The following DACH2 variants were observed in gnomAD, a reference collection of about 807,000 sequenced individuals.
The protein encoded by DACH2 is dachshund homolog 2.
A neutral mutation model predicts 35.8 loss-of-function variants in DACH2; 17 were observed. The ratio of observed to expected loss-of-function variants is 0.48; its 90% CI spans 0.33 to 0.71. The LOEUF (loss-of-function observed/expected upper bound fraction) is 0.71, where lower values mean the gene tolerates loss of function less well. Among genes scored for constraint, DACH2 ranks in the 30% least tolerant of loss-of-function variants. DACH2 has a pLI of 0.02. For synonymous variants in DACH2, 195 were observed against 177.3 expected, an observed-to-expected ratio of 1.10 and a Z score of -0.79; for missense variants, 469 against 472.7, an observed-to-expected ratio of 0.99 and a Z score of 0.07.
At chrX:86,705,848 T>G (rs1009541833) in intron 5 of DACH2, among the ~76,000 whole-genome samples, 25 of 111,809 alleles carry the variant, frequency 2.2e-4, no homozygotes, top group Admixed American at 1.9e-3. Context: ...ACCTAAGTGT[T>G]CATCAACTGA....
chrX:86,446,479 A>G (rs1349609987), intron 2 of DACH2, among the ~76,000 whole-genome samples: 3 of 54,988 alleles, frequency 5.5e-5, no homozygotes, highest in Non-Finnish European at 9.7e-5. Flanking sequence ...AGAGTGTGAT[A>G]TTCCCCTTCC....
chrX:86,154,922 A>C (rs1267280187), intron 1 of DACH2, among the ~76,000 whole-genome samples: 1 of 111,538 alleles, frequency 9.0e-6, no homozygotes, highest in Non-Finnish European at 1.9e-5. Context: ...AAAAATACCA[A>C]ATCAATCTTA....
chrX:86,552,754 A>AT (rs778067659), intron 3 of DACH2, among the ~76,000 whole-genome samples: 267 of 110,068 alleles, frequency 2.4e-3, no homozygotes, highest in Non-Finnish European at 3.3e-3. Context: ...TACAATGGTT[A>AT]TTTTTTTTTA....
chrX:86,309,878 C>T lies in DACH2; in HGVS notation c.489-66946C>T, dbSNP rs184866323. Among the ~76,000 whole-genome samples, 645 of 111,978 alleles carry T rather than the reference C, an allele frequency of 5.8e-3. 6 individuals are homozygous for T. Among genetic ancestry groups the T allele is most frequent in the African/African-American group, 0.02 (616 of 30,795 alleles). On this transcript the variant is annotated intron_variant, in intron 1 of 11. Coordinates refer to ENST00000373125, the MANE Select transcript of DACH2 (RefSeq NM_053281.3). Reference sequence around the variant, plus strand: ...AAAGGCTGCCAGTTTTGGGTGGGGTCCAGAACAGAAGAAGGCTCTGCAACA... The same window carrying T: ...AAAGGCTGCCAGTTTTGGGTGGGGTTCAGAACAGAAGAAGGCTCTGCAACA...
intron 2 of DACH2, among the ~76,000 whole-genome samples, chrX:86,438,382 C>T (rs2037105050): frequency 9.1e-6 from 1 of 109,866 alleles, no homozygotes; most frequent in Non-Finnish European, 1.9e-5. Context: ...TGCCATCACG[C>T]CCGGCTAATT....
At chrX:86,475,805 A>G (rs1202455682) in intron 2 of DACH2, among the ~76,000 whole-genome samples, 2 of 111,987 alleles carry the variant, frequency 1.8e-5, no homozygotes, top group Non-Finnish European at 3.8e-5. Context: ...ATTCAGTGTG[A>G]TACTAGCTGT....
At chrX:86,599,941 G>T (rs2039768529) in intron 3 of DACH2, among the ~76,000 whole-genome samples, 1 of 111,648 alleles carries the variant, frequency 9.0e-6, no homozygotes, top group Non-Finnish European at 1.9e-5. Context: ...CATGTGGTTT[G>T]GTGGAGTGAG....
At chrX:86,482,164 C>G (rs943202222) in intron 2 of DACH2, among the ~76,000 whole-genome samples, 1 of 111,542 alleles carries the variant, frequency 9.0e-6, no homozygotes, top group Non-Finnish European at 1.9e-5. Context: ...ATTCTCACCA[C>G]AAAAATGTAT....
intron 4 of DACH2, among the ~76,000 whole-genome samples, chrX:86,677,299 G>A (rs1197400990): frequency 2.7e-5 from 3 of 111,876 alleles, no homozygotes; most frequent in Non-Finnish European, 5.6e-5. Context: ...ATGCCTTAAA[G>A]CATGTTTGTA....
At chrX:86,562,469 T>C (rs1242579826) in intron 3 of DACH2, among the ~76,000 whole-genome samples, 1 of 111,251 alleles carries the variant, frequency 9.0e-6, no homozygotes, top group African/African-American at 3.3e-5. Flanking sequence ...GCTTTTCTCA[T>C]TTTAACCAGA....
At chrX:86,696,955 G>A (rs2041074501) in intron 5 of DACH2, among the ~76,000 whole-genome samples, 2 of 111,814 alleles carry the variant, frequency 1.8e-5, no homozygotes, top group African/African-American at 6.5e-5. Context: ...TTTTACCAGA[G>A]GGTAAACTAC....
intron 3 of DACH2, among the ~76,000 whole-genome samples, chrX:86,567,025 G>T (rs1429582274): frequency 9.0e-6 from 1 of 111,677 alleles, no homozygotes; most frequent in Non-Finnish European, 1.9e-5. Flanking sequence ...TATATGTCAA[G>T]AAATGTGCTT....
At chrX:86,316,181 A>T in intron 1 of DACH2, among the ~76,000 whole-genome samples, 1 of 109,718 alleles carries the variant, frequency 9.1e-6, no homozygotes, top group Non-Finnish European at 1.9e-5. Context: ...CTGTTCCCAG[A>T]CATCTTCTTA....
In DACH2 at chrX:86,194,790, C is replaced by T. The variant is rs1172332046; in HGVS notation, c.488+45682C>T. Among the ~76,000 whole-genome samples the T allele has an allele frequency of 2.7e-5, 3 of 112,643 alleles. No homozygotes were observed. In the East Asian group the frequency reaches 8.4e-4, roughly 32 times the overall value. ...TGGTCAGGGATGGCCACCCGCTAAG[C>T]TTGACTTGCTCCCACAGGAGACATT... On this transcript the variant is annotated intron_variant, in intron 1 of 11. Coordinates refer to ENST00000373125, the MANE Select transcript of DACH2 (RefSeq NM_053281.3).
At chrX:86,519,575 G>A (rs192520208) in intron 3 of DACH2, among the ~76,000 whole-genome samples, 153 of 111,850 alleles carry the variant, frequency 1.4e-3, no homozygotes, top group Non-Finnish European at 2.6e-3. Context: ...ATTTCAGAGT[G>A]TGTTATTGGT....
intron 2 of DACH2, among the ~76,000 whole-genome samples, chrX:86,397,439 T>C (rs190416657): frequency 2.4e-3 from 263 of 110,940 alleles, no homozygotes; most frequent in African/African-American, 8.2e-3. Flanking sequence ...TGAATAGGAG[T>C]GGTGAGAGAG....
At chrX:86,195,352 A>G (rs2031950336) in intron 1 of DACH2, among the ~76,000 whole-genome samples, 1 of 111,721 alleles carries the variant, frequency 9.0e-6, no homozygotes, top group Non-Finnish European at 1.9e-5. Flanking sequence ...ACAGAGAACA[A>G]CATACCCTCC....
intron 1 of DACH2, among the ~76,000 whole-genome samples, chrX:86,173,602 C>A (rs978395467): frequency 2.7e-5 from 3 of 111,275 alleles, no homozygotes; most frequent in Non-Finnish European, 5.7e-5. Context: ...TGTTAAGAAG[C>A]CTTCAAGAGT....
At chrX:86,240,326 C>T (rs149446832) in intron 1 of DACH2, among the ~76,000 whole-genome samples, 2,983 of 110,515 alleles carry the variant, frequency 0.027, 113 homozygotes, top group African/African-American at 0.093. Context: ...GCCTAAGAAA[C>T]GTTTTGGAAT....
Sources: gnomAD v4.1 joint callset for allele counts (sites outside exome capture counted in the v4.1 genomes callset) on GRCh38, gnomAD v4.1.1 for gene constraint, MANE v1.5 for transcripts, NCBI Gene and HGNC (gene_info 2026-07-23, HGNC 2026-07-21) for gene names.